RBPJ: variants seen among roughly 807,000 people sequenced by gnomAD.
RBPJ encodes recombination signal binding protein for immunoglobulin kappa J region.
Under a neutral mutation model 67.8 loss-of-function variants are expected in RBPJ, and 9 were observed. The observed-to-expected ratio is 0.13, with a 90% CI of 0.08 to 0.23. RBPJ has a LOEUF of 0.23. Among genes scored for constraint, RBPJ ranks in the 10% least tolerant of loss-of-function variants. The probability of loss-of-function intolerance (pLI) is 1.00; values close to 1 mark genes in which losing one functional copy is unlikely to be tolerated. For synonymous variants in RBPJ, 198 were observed against 203.3 expected (o/e 0.97, Z 0.22); for missense variants, 305 against 595.6 (o/e 0.51, Z 5.08).
At chr4:26,172,147 A>G (rs1716613649) in intron 1 of RBPJ, among the ~76,000 whole-genome samples, 1 of 152,182 alleles carries the variant, frequency 6.6e-6, no homozygotes, top group South Asian at 2.1e-4. Context: ...GGATGGAACT[A>G]AATGTCTTGC....
intron 1 of RBPJ, among the ~76,000 whole-genome samples, chr4:26,294,392 C>T (rs186610400): frequency 4.7e-4 from 71 of 152,230 alleles, no homozygotes; most frequent in African/African-American, 1.7e-3. Context: ...CCATCACGCC[C>T]GGCTGGGAAG....
chr4:26,290,728 T>A (rs1441475752), intron 1 of RBPJ, among the ~76,000 whole-genome samples: 3 of 150,892 alleles, frequency 2.0e-5, no homozygotes, highest in Non-Finnish European at 4.4e-5. Context: ...CGAGTTTTGT[T>A]AGGTTCTCTC....
At chr4:26,414,283 C>T (rs1187464619) in intron 3 of RBPJ, among the ~76,000 whole-genome samples, 1 of 152,132 alleles carries the variant, frequency 6.6e-6, no homozygotes, top group African/African-American at 2.4e-5. Context: ...GGTCCTCCCA[C>T]CTCAGCCACC....
At chr4:26,375,677 A>G (rs534593457) in intron 1 of RBPJ, among the ~76,000 whole-genome samples, 2 of 152,342 alleles carry the variant, frequency 1.3e-5, no homozygotes, top group African/African-American at 4.8e-5. Context: ...TCTTCTATGT[A>G]CAAGCCAGTT....
intron 1 of RBPJ, among the ~76,000 whole-genome samples, chr4:26,249,846 C>T (rs1367058217): frequency 1.4e-5 from 2 of 143,928 alleles, no homozygotes; most frequent in African/African-American, 2.6e-5. Flanking sequence ...GATGCAATGG[C>T]ATGATCTTGG....
At chr4:26,178,953 C>T (rs73245721) in intron 1 of RBPJ, among the ~76,000 whole-genome samples, 7,980 of 152,168 alleles carry the variant, frequency 0.052, 290 homozygotes, top group African/African-American at 0.1. Flanking sequence ...GCCAAGGTTC[C>T]TGTCTTGTGG....
intron 3 of RBPJ, among the ~76,000 whole-genome samples, chr4:26,414,216 C>T (rs897230608): frequency 6.6e-6 from 1 of 151,982 alleles, no homozygotes; most frequent in Non-Finnish European, 1.5e-5. Flanking sequence ...CTAACCCAAG[C>T]TGGAATGCAG....
Position 26,406,216 on chromosome 4 carries a change from C to A in RBPJ, c.101C>A (p.Thr34Lys). ...TATTTAAAAGAGCGAGGGGATCAAA[C>A]AGTACTTATTCTTCATGCAAAAGTT... ...RNYLKERGDQTVLILHAKVAQ... is the reference protein window; with the variant it reads ...RNYLKERGDQKVLILHAKVAQ... Residue 34 changes from threonine (T) to lysine (K), a missense_variant, in exon 3 of 11, where the codon ACA becomes AAA. Coordinates refer to ENST00000355476, the MANE Select transcript of RBPJ (RefSeq NM_015874.6). The A allele has an allele frequency of 2.5e-6, 4 of 1,612,762 alleles. No individual in the cohort carries two copies. Among genetic ancestry groups the A allele is most frequent in the Non-Finnish European group, 3.4e-6 (4 of 1,179,250 alleles).
intron 1 of RBPJ, among the ~76,000 whole-genome samples, chr4:26,270,258 G>A (rs1720833691): frequency 7.0e-6 from 1 of 142,558 alleles, no homozygotes; most frequent in South Asian, 2.3e-4. Flanking sequence ...TCTCCAGCCT[G>A]GGCAACAGAG....
intron 1 of RBPJ, among the ~76,000 whole-genome samples, chr4:26,209,042 G>T (rs1718267277): frequency 6.7e-6 from 1 of 149,366 alleles, no homozygotes; most frequent in Non-Finnish European, 1.5e-5. Context: ...TAAATATTCA[G>T]ATATAAAGAC....
chr4:26,155,716 A>G, the RBPJ span, among the ~76,000 whole-genome samples: 1 of 151,998 alleles, frequency 6.6e-6, no homozygotes, highest in Non-Finnish European at 1.5e-5. Context: ...ATTGCAGGTG[A>G]CCTTTTCTCT....
At chr4:26,275,495 CA>C (rs537632691) in intron 1 of RBPJ, among the ~76,000 whole-genome samples, 1 of 152,150 alleles carries the variant, frequency 6.6e-6, no homozygotes, top group Non-Finnish European at 1.5e-5. Context: ...AATTAAAACC[CA>C]GGGGGACTAT....
chr4:26,232,402 A>G (rs1196403669), intron 1 of RBPJ, among the ~76,000 whole-genome samples: 2 of 152,038 alleles, frequency 1.3e-5, no homozygotes, highest in African/African-American at 4.8e-5. Context: ...CCCTCCTCCC[A>G]GCCCTTAATT....
intron 1 of RBPJ, among the ~76,000 whole-genome samples, chr4:26,190,094 A>G (rs184925251): frequency 2.0e-4 from 31 of 152,366 alleles, no homozygotes; most frequent in African/African-American, 7.2e-4. Flanking sequence ...CACTGTTCCA[A>G]TACCTGAATA....
the RBPJ span, among the ~76,000 whole-genome samples, chr4:26,129,781 T>C: frequency 2.0e-5 from 3 of 152,212 alleles, no homozygotes; most frequent in African/African-American, 7.2e-5. Flanking sequence ...AGACTCAAGA[T>C]GGTCTATCTA....
In RBPJ at chr4:26,375,238, G is replaced by A. The variant is rs542916290; in HGVS notation, c.21-11115G>A. 8.1e-5 allele frequency among the ~76,000 whole-genome samples: 12 copies of A among 147,880 alleles called. No homozygotes were observed. The South Asian group carries it at 1.3e-3, about 16-fold the overall frequency. On this transcript the variant is annotated intron_variant, in intron 1 of 10. Transcript: ENST00000355476. Reference sequence around the variant, plus strand: ...CAGCCTGTGGAGGTTGCAGTGAGCCGAGATCATGTCACTGCCCTCCCGCCT... The same window carrying A: ...CAGCCTGTGGAGGTTGCAGTGAGCCAAGATCATGTCACTGCCCTCCCGCCT...
At chr4:26,193,900 C>A (rs1717659805) in intron 1 of RBPJ, among the ~76,000 whole-genome samples, 1 of 152,176 alleles carries the variant, frequency 6.6e-6, no homozygotes, top group Non-Finnish European at 1.5e-5. Context: ...GTTTCCCATT[C>A]TCTGGTCCTA....
At chr4:26,336,966 G>C (rs1180250854) in intron 1 of RBPJ, among the ~76,000 whole-genome samples, 1 of 151,910 alleles carries the variant, frequency 6.6e-6, no homozygotes, top group Non-Finnish European at 1.5e-5. Context: ...TCTTTGTTTA[G>C]CGTTTTTTGT....
At chr4:26,319,451 C>G (rs1417657142), upstream of RBPJ, among the ~76,000 whole-genome samples, 3 of 151,276 alleles carry the variant, frequency 2.0e-5, no homozygotes, top group African/African-American at 7.3e-5. Context: ...CCCGCCTCCG[C>G]GGCAAGCCGC....
Sources: gnomAD v4.1 joint callset for allele counts (sites outside exome capture counted in the v4.1 genomes callset) on GRCh38, gnomAD v4.1.1 for gene constraint, MANE v1.5 for transcripts, NCBI Gene and HGNC (gene_info 2026-07-23, HGNC 2026-07-21) for gene names.